CSMD2: variants seen among roughly 807,000 people sequenced by gnomAD.
The protein encoded by CSMD2 is CUB and sushi domain-containing protein 2.
Under a neutral mutation model 398.5 loss-of-function variants are expected in CSMD2, and 130 were observed. The observed-to-expected ratio is 0.33, with a 90% CI of 0.28 to 0.38. The LOEUF (loss-of-function observed/expected upper bound fraction) is 0.38. CSMD2 is among the 10% of genes least tolerant of loss of function. CSMD2 has a pLI of 1.00. For missense variants in CSMD2, 3,829 were observed against 4,764.9 expected (o/e 0.80, Z 5.78); for synonymous variants, 1,828 against 1,908.5 (o/e 0.96, Z 1.10).
At chr1:34,066,990 G>A (rs961708153) in intron 2 of CSMD2, among the ~76,000 whole-genome samples, 2 of 152,188 alleles carry the variant, frequency 1.3e-5, no homozygotes, top group Non-Finnish European at 2.9e-5. Context: ...AGCCTGTCAT[G>A]CCCTCGCAGA....
chr1:33,576,863 CTG>C (rs1002959448), intron 49 of CSMD2, among the ~76,000 whole-genome samples: 31 of 151,120 alleles, frequency 2.1e-4, no homozygotes, highest in Admixed American at 1.1e-3. Flanking sequence ...AGGGAAAAAA[CTG>C]TCATAAATCA....
At chr1:33,857,556 T>C (rs529365614) in intron 5 of CSMD2, among the ~76,000 whole-genome samples, 1 of 152,244 alleles carries the variant, frequency 6.6e-6, no homozygotes, top group Non-Finnish European at 1.5e-5. Flanking sequence ...CTACTGCAAA[T>C]GGCGGCTGCT....
chr1:33,913,380 C>T (rs1313598663), intron 5 of CSMD2, among the ~76,000 whole-genome samples: 1 of 152,156 alleles, frequency 6.6e-6, no homozygotes, highest in East Asian at 1.9e-4. Context: ...TGGTGAGATG[C>T]CACTGGGCTG....
At chr1:33,901,592 G>T (rs578135616) in intron 5 of CSMD2, among the ~76,000 whole-genome samples, 2 of 152,324 alleles carry the variant, frequency 1.3e-5, no homozygotes, top group Admixed American at 6.5e-5. Context: ...TTTCAGGAGG[G>T]AGACCCTTGC....
chr1:33,856,981 G>A (rs1159206539), intron 5 of CSMD2, among the ~76,000 whole-genome samples: 21 of 151,950 alleles, frequency 1.4e-4, no homozygotes, highest in Non-Finnish European at 1.5e-5. Flanking sequence ...CCATATCTCT[G>A]TACAGCAAGG....
chr1:33,714,118 C>T (rs775934469), intron 21 of CSMD2, among the ~76,000 whole-genome samples: 7 of 152,186 alleles, frequency 4.6e-5, no homozygotes, highest in Non-Finnish European at 1.0e-4. Context: ...TAAGGCGTCT[C>T]TAAGAGTGAG....
intron 3 of CSMD2, among the ~76,000 whole-genome samples, chr1:34,018,080 G>C (rs1648378830): frequency 6.6e-6 from 1 of 152,038 alleles, no homozygotes; most frequent in Admixed American, 6.5e-5. Context: ...CACGTCAACT[G>C]TTTCTTTTTT....
chr1:33,731,940 G>A (rs942161964), intron 15 of CSMD2, among the ~76,000 whole-genome samples: 30 of 152,296 alleles, frequency 2.0e-4, no homozygotes, highest in Non-Finnish European at 2.4e-4. Flanking sequence ...GGTTGTGGGG[G>A]AATGGGTGGG....
rs1658367223 is a variant in CSMD2 at position 33,559,686 on chromosome 1, A to G, written c.8381-213T>C. On this transcript the variant is annotated intron_variant, in intron 53 of 70. Transcript: ENST00000373381. The surrounding 1 kb of genome is among the most constrained non-coding windows in gnomAD (Gnocchi z 4.0). ...ATGTCTGTAGCTTGGACAACTTGAG[A>G]TCAATCATTCTATGACTTCCCATAG... 6.6e-6 allele frequency among the ~76,000 whole-genome samples: 1 copy of G among 151,882 alleles called. No homozygotes were observed. Among genetic ancestry groups the G allele is most frequent in the Admixed American group, 6.6e-5 (1 of 15,254 alleles).
intron 1 of CSMD2, among the ~76,000 whole-genome samples, chr1:34,105,073 C>T (rs752920870): frequency 1.4e-4 from 21 of 152,354 alleles, no homozygotes; most frequent in Middle Eastern, 3.4e-3. Flanking sequence ...CTCCCTATTT[C>T]GTGCATTAAG....
At chr1:33,548,097 C>A (rs1370518434) in intron 56 of CSMD2, among the ~76,000 whole-genome samples, 1 of 152,208 alleles carries the variant, frequency 6.6e-6, no homozygotes, top group African/African-American at 2.4e-5. Context: ...TCCCCTTCTG[C>A]CATGATTGTA....
intron 2 of CSMD2, among the ~76,000 whole-genome samples, chr1:34,065,000 G>T (rs760276326): frequency 6.6e-6 from 1 of 152,202 alleles, no homozygotes; most frequent in African/African-American, 2.4e-5. Flanking sequence ...CCACCCCTAT[G>T]ATTCAAATTA....
intron 42 of CSMD2, 62 bp downstream of exon 42, chr1:33,605,220 G>A: frequency 6.8e-7 from 1 of 1,475,610 alleles, no homozygotes. Context: ...ACATGGGATT[G>A]CTCTGGACCA....
chr1:34,139,393 G>A, intron 1 of CSMD2, among the ~76,000 whole-genome samples: 1 of 152,168 alleles, frequency 6.6e-6, no homozygotes, highest in East Asian at 1.9e-4. Context: ...CTCACCAGAT[G>A]CAGCCCCTCG....
At chr1:33,593,005 T>C (rs967597849) in intron 44 of CSMD2, among the ~76,000 whole-genome samples, 6 of 152,044 alleles carry the variant, frequency 3.9e-5, no homozygotes, top group African/African-American at 1.4e-4. Context: ...TTAGCAGCAT[T>C]ATTCACAAAA....
intron 1 of CSMD2, among the ~76,000 whole-genome samples, chr1:34,103,532 C>CAT (rs1204962398): frequency 1.4e-4 from 21 of 151,796 alleles, no homozygotes; most frequent in Non-Finnish European, 2.7e-4. Flanking sequence ...TCTGACCTTG[C>CAT]GATTCGCCCA....
At chr1:33,881,095 C>T (rs1436833914) in intron 5 of CSMD2, among the ~76,000 whole-genome samples, 1 of 152,192 alleles carries the variant, frequency 6.6e-6, no homozygotes, top group East Asian at 1.9e-4. Flanking sequence ...CCATAAGCAA[C>T]ACATTACGCA....
At chr1:34,133,178 G>T (rs538609026) in intron 1 of CSMD2, among the ~76,000 whole-genome samples, 2 of 152,200 alleles carry the variant, frequency 1.3e-5, no homozygotes, top group East Asian at 3.9e-4. Flanking sequence ...AATACCACTT[G>T]TTTCTGTATC....
intron 65 of CSMD2, among the ~76,000 whole-genome samples, chr1:33,525,980 G>T (rs575903166): frequency 6.6e-6 from 1 of 152,094 alleles, no homozygotes; most frequent in Non-Finnish European, 1.5e-5. Flanking sequence ...CACCACACCC[G>T]GCCAAAAGAG....
Sources: allele counts gnomAD v4.1 joint callset (sites outside exome capture counted in the v4.1 genomes callset), GRCh38; gene constraint gnomAD v4.1.1; non-coding constraint Gnocchi (gnomAD v3.1); transcripts MANE v1.5; gene names NCBI Gene and HGNC (gene_info 2026-07-23, HGNC 2026-07-21).